ASXL3: variants seen among roughly 807,000 people sequenced by gnomAD.
ASXL3 encodes ASXL transcriptional regulator 3, also known as putative Polycomb group protein ASXL3.
Under a neutral mutation model 170.6 loss-of-function variants are expected in ASXL3, and 34 were observed. The ratio of observed to expected loss-of-function variants is 0.20; its 90% CI spans 0.15 to 0.27. ASXL3 has a LOEUF of 0.27. Among genes scored for constraint, ASXL3 ranks in the 10% least tolerant of loss-of-function variants. ASXL3 has a pLI of 1.00. For missense variants in ASXL3, 2,592 were observed against 2,695.3 expected (o/e 0.96, Z 0.85); for synonymous variants, 1,002 against 989.1 (o/e 1.01, Z -0.24).
chr18:33,738,573 C>G lies in ASXL3; in HGVS notation c.1169C>G (p.Ser390Cys). The G allele has an allele frequency of 2.5e-6, 4 of 1,613,864 alleles. No individual in the cohort carries two copies. The highest frequency in any genetic ancestry group is 3.4e-6 in the Non-Finnish European group (4 of 1,179,828). ...GAQSSSSCGT[S>C]GLPVSAQTAL... Reference sequence around the variant, plus strand: ...CAAAGTAGTTCTTCATGTGGGACTTCTGGCCTTCCAGTTTCTGCACAGACA... The same window carrying G: ...CAAAGTAGTTCTTCATGTGGGACTTGTGGCCTTCCAGTTTCTGCACAGACA... Residue 390 changes from serine (S) to cysteine (C), a missense_variant, in exon 11 of 12, where the codon TCT becomes TGT. Physicochemically the swap from Ser to Cys is moderately radical, Grantham distance 112. Around this residue, in one of 4 missense-constraint regions of ASXL3, gnomAD observed 2,246 missense variants for 2,219.6 expected, o/e 1.01. Coordinates refer to ENST00000269197, the MANE Select transcript of ASXL3 (RefSeq NM_030632.3).
intron 8 of ASXL3, among the ~76,000 whole-genome samples, chr18:33,703,338 T>C (rs2066908383): frequency 6.6e-6 from 1 of 152,066 alleles, no homozygotes; most frequent in African/African-American, 2.4e-5. Context: ...GGGACAGAAG[T>C]AACATTTTTG....
chr18:33,625,568 A>G (rs974102081), intron 2 of ASXL3, among the ~76,000 whole-genome samples: 1 of 152,178 alleles, frequency 6.6e-6, no homozygotes, highest in Non-Finnish European at 1.5e-5. Flanking sequence ...TTTATGAGAT[A>G]TAGTGAAGTT....
chr18:33,618,512 GTTAA>G (rs1384932772), intron 2 of ASXL3, among the ~76,000 whole-genome samples: 1 of 152,094 alleles, frequency 6.6e-6, no homozygotes, highest in East Asian at 1.9e-4. Flanking sequence ...TTACTGTTAA[GTTAA>G]TTAAATACCT....
intron 8 of ASXL3, among the ~76,000 whole-genome samples, chr18:33,684,543 T>C (rs2066563093): frequency 6.6e-6 from 1 of 152,186 alleles, no homozygotes; most frequent in African/African-American, 2.4e-5. Flanking sequence ...GTGATTATTG[T>C]TCATATTTAG....
At chr18:33,660,957 A>C (rs1171128215) in intron 4 of ASXL3, among the ~76,000 whole-genome samples, 1 of 152,180 alleles carries the variant, frequency 6.6e-6, no homozygotes, top group Non-Finnish European at 1.5e-5. Context: ...TTTGGAAGAA[A>C]ATGTCTTCTG....
At position 33,745,917 on chromosome 18, in the gene ASXL3, C is replaced by A; in HGVS notation, c.6069C>A (p.Pro2023=). The A allele has an allele frequency of 6.3e-7, 1 of 1,579,414 alleles. No individual in the cohort carries two copies. Among genetic ancestry groups the A allele is most frequent in the South Asian group, 1.1e-5 (1 of 87,718 alleles). The change falls in exon 12 of 12, where the codon CCC becomes CCA. Residue 2023 remains proline (P), a synonymous_variant. Transcript: ENST00000269197. The stretch of plus-strand genomic sequence containing the variant: ...TACATCCGCCGCCGCCACCGCCTCC[C>A]CCTCCCCCTCCACCCTTGGCTTTGC... ...ALVHPPPPPP[P]PPPPPLALPP...
chr18:33,672,654 A>C (rs1023130286), intron 7 of ASXL3, among the ~76,000 whole-genome samples: 1 of 152,186 alleles, frequency 6.6e-6, no homozygotes, highest in Admixed American at 6.5e-5. Context: ...TATTTTGTAA[A>C]ATGTTTGGCA....
Position 33,675,750 on chromosome 18 carries a change from T to C in ASXL3, c.715+3884T>C, listed in dbSNP as rs1433659362. Among the ~76,000 whole-genome samples the C allele has an allele frequency of 3.3e-5, 5 of 152,140 alleles. No homozygotes were observed. The East Asian group carries it at 7.8e-4, about 24-fold the overall frequency. On this transcript the variant is annotated intron_variant, in intron 7 of 11. Transcript: ENST00000269197. Reference sequence around the variant, plus strand: ...CTAAGGAGTGTAGCCTAAGAGACAATGGACCCCAGTATGTTCTCTCAACAC... The same window carrying C: ...CTAAGGAGTGTAGCCTAAGAGACAACGGACCCCAGTATGTTCTCTCAACAC...
chr18:33,642,671 T>A (rs2065862948), intron 2 of ASXL3, among the ~76,000 whole-genome samples: 1 of 151,982 alleles, frequency 6.6e-6, no homozygotes, highest in Non-Finnish European at 1.5e-5. Context: ...TTTATTGAGT[T>A]ACTAAACAGT....
chr18:33,713,050 C>A (rs2067094824), intron 8 of ASXL3, among the ~76,000 whole-genome samples: 1 of 151,916 alleles, frequency 6.6e-6, no homozygotes, highest in Non-Finnish European at 1.5e-5. Context: ...ATCACACGTG[C>A]TCACGTTCCT....
At chr18:33,582,062 C>T (rs1014014916) in intron 1 of ASXL3, among the ~76,000 whole-genome samples, 1 of 152,146 alleles carries the variant, frequency 6.6e-6, no homozygotes. Flanking sequence ...GAGTCTGCTC[C>T]CAAACCAGAT....
At chr18:33,674,622 C>CTT (rs746869542) in intron 7 of ASXL3, among the ~76,000 whole-genome samples, 5 of 146,000 alleles carry the variant, frequency 3.4e-5, no homozygotes, top group East Asian at 2.0e-4. Flanking sequence ...TAACCCATGT[C>CTT]TTTTTTTTTT....
chr18:33,723,750 T>C (rs1276211435), intron 8 of ASXL3, among the ~76,000 whole-genome samples: 1 of 152,152 alleles, frequency 6.6e-6, no homozygotes, highest in Non-Finnish European at 1.5e-5. Context: ...CAGCATCACA[T>C]GCTACAGATA....
At chr18:33,715,623 T>TTG (rs2067152571) in intron 8 of ASXL3, among the ~76,000 whole-genome samples, 1 of 152,216 alleles carries the variant, frequency 6.6e-6, no homozygotes, top group African/African-American at 2.4e-5. Flanking sequence ...GTGACTAATA[T>TTG]TTTTGTTACT....
intron 8 of ASXL3, among the ~76,000 whole-genome samples, chr18:33,715,096 C>T (rs1237934914): frequency 6.6e-6 from 1 of 152,144 alleles, no homozygotes; most frequent in Non-Finnish European, 1.5e-5. Context: ...ATGAAGGTCA[C>T]GTGAGGCCTC....
chr18:33,677,450 A>C (rs935466354), intron 7 of ASXL3, among the ~76,000 whole-genome samples: 1 of 152,190 alleles, frequency 6.6e-6, no homozygotes, highest in Non-Finnish European at 1.5e-5. Context: ...AAACTAAAAA[A>C]CAAAATTGTT....
intron 3 of ASXL3, among the ~76,000 whole-genome samples, chr18:33,645,812 G>A (rs1028349378): frequency 6.6e-6 from 1 of 151,784 alleles, no homozygotes; most frequent in African/African-American, 2.4e-5. Flanking sequence ...TAGCTACTAA[G>A]CATCAGGCTG....
Position 33,738,969 on chromosome 18 carries a change from A to G in ASXL3, c.1565A>G (p.Lys522Arg). 3 of 1,613,804 alleles carry G rather than the reference A, an allele frequency of 1.9e-6. No individual in the cohort carries two copies. Among genetic ancestry groups the G allele is most frequent in the Non-Finnish European group, 2.5e-6 (3 of 1,179,824 alleles). ...LPHIEVKIEG[K>R]SESPQEEMTV... is the part of the protein sequence containing the mutation. ...CATATTGAAGTTAAGATAGAAGGGA[A>G]GTCAGAATCACCCCAGGAAGAAATG... The change falls in exon 11 of 12, where the codon AAG becomes AGG. Residue 522 changes from lysine (K) to arginine (R), a missense_variant. By Grantham distance (26) the Lys-to-Arg change is conservative (BLOSUM62 2). Coordinates refer to ENST00000269197, the MANE Select transcript of ASXL3 (RefSeq NM_030632.3).
intron 1 of ASXL3, among the ~76,000 whole-genome samples, chr18:33,594,149 G>A (rs573171649): frequency 6.6e-6 from 1 of 152,216 alleles, no homozygotes; most frequent in South Asian, 2.1e-4. Context: ...GCAGTTGACC[G>A]AATATAAGAG....
Sources: gnomAD v4.1 joint callset for allele counts (sites outside exome capture counted in the v4.1 genomes callset) on GRCh38, gnomAD v4.1.1 for gene constraint, gnomAD v4.1.1 regional missense constraint, MANE v1.5 for transcripts, NCBI Gene and HGNC (gene_info 2026-07-23, HGNC 2026-07-21) for gene names.